Variants in ROBO1 observed in about 807,000 individuals in gnomAD.
The protein encoded by ROBO1 is roundabout homolog 1.
ROBO1 carries 149 observed loss-of-function variants against 195.9 expected under a neutral mutation model. The observed-to-expected ratio is 0.76, with a 90% CI of 0.67 to 0.87. The LOEUF (loss-of-function observed/expected upper bound fraction) is 0.87, where lower values mean the gene tolerates loss of function less well. Among genes scored for constraint, ROBO1 ranks in the 40% least tolerant of loss-of-function variants. ROBO1 has a pLI of 0.00. For missense variants in ROBO1, 1,933 were observed against 2,068.3 expected (o/e 0.93, Z 1.27); for synonymous variants, 816 against 733.2 (o/e 1.11, Z -1.82).
chr3:78,879,667 C>T (rs2036068255), intron 4 of ROBO1, among the ~76,000 whole-genome samples: 1 of 151,690 alleles, frequency 6.6e-6, no homozygotes, highest in Admixed American at 6.6e-5. Context: ...ACAATAAAAA[C>T]GTAGTCGGAA....
At chr3:79,020,194 A>G (rs2108269705) in intron 3 of ROBO1, among the ~76,000 whole-genome samples, 1 of 152,340 alleles carries the variant, frequency 6.6e-6, no homozygotes, top group Admixed American at 6.5e-5. Flanking sequence ...GAAGCTAGTC[A>G]GGCATAGGTT....
intron 8 of ROBO1, among the ~76,000 whole-genome samples, chr3:78,691,280 T>G (rs2081168888): frequency 6.6e-6 from 1 of 152,146 alleles, no homozygotes; most frequent in Admixed American, 6.5e-5. Flanking sequence ...TTTGGATTTT[T>G]TTTGAAAGCT....
At chr3:79,260,217 A>T (rs1559771886) in intron 2 of ROBO1, among the ~76,000 whole-genome samples, 1 of 152,002 alleles carries the variant, frequency 6.6e-6, no homozygotes. Flanking sequence ...TCCCCTGGGA[A>T]ATTATGTATA....
intron 8 of ROBO1, among the ~76,000 whole-genome samples, chr3:78,704,208 C>G (rs9880072): frequency 2.6e-5 from 4 of 152,054 alleles, no homozygotes; most frequent in African/African-American, 9.6e-5. Flanking sequence ...CAGATTTTCT[C>G]AAATCAGCAA....
At chr3:79,255,215 G>A (rs1029163557) in intron 2 of ROBO1, among the ~76,000 whole-genome samples, 25 of 152,126 alleles carry the variant, frequency 1.6e-4, no homozygotes, top group Non-Finnish European at 3.1e-4. Context: ...AAAATTAGCC[G>A]GACAAGGTGG....
intron 2 of ROBO1, among the ~76,000 whole-genome samples, chr3:79,394,474 TTATATA>T (rs1311221569): frequency 6.6e-6 from 1 of 151,858 alleles, no homozygotes; most frequent in Non-Finnish European, 1.5e-5. Flanking sequence ...TTATATATAT[TTATATA>T]TAAACACAAT....
rs375962663 is a variant in ROBO1, at chr3:78,886,096, T to C, written c.499+52505A>G. Among the ~76,000 whole-genome samples, 71 of 151,716 alleles carry C rather than the reference T, an allele frequency of 4.7e-4. 3 individuals carry two copies. In the South Asian group the frequency reaches 0.015, roughly 31 times the overall value. ...TTATAAAAAAACAACATCAAATAGT[T>C]ATGTCAAATATTTAACCAGTTATGC... is the stretch of plus-strand genomic sequence containing the variant. On this transcript the variant is annotated intron_variant, in intron 4 of 30. Coordinates refer to ENST00000464233, the MANE Select transcript of ROBO1 (RefSeq NM_002941.4).
chr3:78,662,255 A>G, intron 14 of ROBO1, 141 bp from the exon 15 acceptor site: 1 of 771,988 alleles, frequency 1.3e-6, no homozygotes, highest in East Asian at 2.8e-5. Context: ...AAAAAAAAAA[A>G]AAAAGGAATA....
chr3:79,458,836 T>A (rs1296002164), intron 2 of ROBO1, among the ~76,000 whole-genome samples: 1 of 151,128 alleles, frequency 6.6e-6, no homozygotes, highest in Admixed American at 6.6e-5. Flanking sequence ...ATGACCCCAA[T>A]AGAAACCAGA....
intron 4 of ROBO1, among the ~76,000 whole-genome samples, chr3:78,785,389 A>G (rs1200539949): frequency 6.6e-6 from 1 of 152,142 alleles, no homozygotes; most frequent in Non-Finnish European, 1.5e-5. Flanking sequence ...CCTAGCTCTC[A>G]ACTTACTACC....
At chr3:79,317,633 C>A (rs572020025) in intron 2 of ROBO1, among the ~76,000 whole-genome samples, 1 of 151,990 alleles carries the variant, frequency 6.6e-6, no homozygotes, top group African/African-American at 2.4e-5. Context: ...TTGATTATAA[C>A]GTCTAATGTT....
chr3:78,663,143 A>G (rs1001212079), intron 14 of ROBO1, among the ~76,000 whole-genome samples: 1 of 151,990 alleles, frequency 6.6e-6, no homozygotes, highest in African/African-American at 2.4e-5. Flanking sequence ...ATACCGTCAA[A>G]CAATTGATCT....
intron 28 of ROBO1, among the ~76,000 whole-genome samples, chr3:78,608,217 TC>T (rs1201631363): frequency 6.6e-6 from 1 of 152,114 alleles, no homozygotes; most frequent in Non-Finnish European, 1.5e-5. Context: ...CATCAAGTGA[TC>T]CTCCCACCTC....
At chr3:78,721,350 G>A (rs2082040574) in intron 5 of ROBO1, among the ~76,000 whole-genome samples, 3 of 152,206 alleles carry the variant, frequency 2.0e-5, no homozygotes, top group South Asian at 2.1e-4. Context: ...ATTATTACAG[G>A]AAAAGAGGAA....
At chr3:79,496,611 T>A (rs1939761473) in intron 2 of ROBO1, among the ~76,000 whole-genome samples, 1 of 150,204 alleles carries the variant, frequency 6.7e-6, no homozygotes, top group East Asian at 2.0e-4. Context: ...ATGGTCTCGA[T>A]CTCCTGACCT....
At chr3:78,860,178 GATA>G in intron 4 of ROBO1, among the ~76,000 whole-genome samples, 4 of 150,574 alleles carry the variant, frequency 2.7e-5, no homozygotes. Flanking sequence ...TAGATAGATA[GATA>G]GATGATAGAT....
At chr3:78,680,882 A>C (rs1409569914) in intron 10 of ROBO1, among the ~76,000 whole-genome samples, 54 of 149,254 alleles carry the variant, frequency 3.6e-4, no homozygotes, top group African/African-American at 1.3e-3. Context: ...ACACATGCAC[A>C]CGTGTGTTTA....
At chr3:79,349,185 T>G (rs1438604120) in intron 2 of ROBO1, among the ~76,000 whole-genome samples, 1 of 152,152 alleles carries the variant, frequency 6.6e-6, no homozygotes, top group African/African-American at 2.4e-5. Flanking sequence ...CTAATAAAGA[T>G]GATAGAATTA....
chr3:79,709,092 G>T (rs961114105), intron 1 of ROBO1, among the ~76,000 whole-genome samples: 1 of 152,020 alleles, frequency 6.6e-6, no homozygotes, highest in African/African-American at 2.4e-5. Context: ...AAAAGAGTGG[G>T]AAGTACATAA....
Sources: allele counts gnomAD v4.1 joint callset (sites outside exome capture counted in the v4.1 genomes callset), GRCh38; gene constraint gnomAD v4.1.1; transcripts MANE v1.5; gene names NCBI Gene and HGNC (gene_info 2026-07-23, HGNC 2026-07-21).